The following KATNIP variants were observed in gnomAD, a reference collection of about 807,000 sequenced individuals.
The protein encoded by KATNIP is katanin interacting protein, also known as katanin-interacting protein.
Under a neutral mutation model 174.0 loss-of-function variants are expected in KATNIP, and 126 were observed. The observed-to-expected ratio is 0.72, with a 90% CI of 0.63 to 0.84. The LOEUF is 0.84. Ranked by LOEUF, KATNIP falls within the 40% of genes least tolerant of loss-of-function variation. KATNIP has a pLI of 0.00. For synonymous variants in KATNIP, 810 were observed against 835.7 expected (o/e 0.97, Z 0.53); for missense variants, 1,958 against 2,109.7 (o/e 0.93, Z 1.41).
chr16:27,702,428 C>T (rs2079136556), intron 11 of KATNIP, among the ~76,000 whole-genome samples: 1 of 152,224 alleles, frequency 6.6e-6, no homozygotes, highest in Non-Finnish European at 1.5e-5. Context: ...TAAAGCCTTC[C>T]CTCTAGTCTT....
At position 27,714,330 on chromosome 16, in the gene KATNIP, A is replaced by G. The variant is rs79843923; in HGVS notation, c.1605+5410A>G. 8.4e-3 allele frequency among the ~76,000 whole-genome samples: 1,273 copies of G among 152,270 alleles called. 39 individuals are homozygous for G. In the East Asian group the frequency reaches 0.092, roughly 11 times the overall value. Reference sequence around the variant, plus strand: ...AATTCTTATCTGTCCTGTTTACACTATATCCCCAGTACATAAAAATGTGCC... The same window carrying G: ...AATTCTTATCTGTCCTGTTTACACTGTATCCCCAGTACATAAAAATGTGCC... On this transcript the variant is annotated intron_variant, in intron 13 of 27. Coordinates refer to ENST00000261588, the MANE Select transcript of KATNIP (RefSeq NM_015202.5).
intron 27 of KATNIP, 80 bp downstream of exon 27, chr16:27,778,049 C>T: frequency 8.0e-7 from 1 of 1,247,256 alleles, no homozygotes; most frequent in South Asian, 1.3e-5. Flanking sequence ...GCCTTGCACC[C>T]CCACCCTCAC....
In KATNIP at chr16:27,773,091, T is replaced by C. The variant is rs2082366257; in HGVS notation, c.4199-8T>C. The stretch of plus-strand genomic sequence containing the variant: ...TTAAGCCTTCTTTTCCTTAATAAAG[T>C]GTCCCAGTCATTTTCCAGTTTCAGC... On this transcript the variant is annotated splice_region_variant and splice_polypyrimidine_tract_variant and intron_variant, in intron 22 of 27. Coordinates refer to ENST00000261588, the MANE Select transcript of KATNIP (RefSeq NM_015202.5). 2.6e-6 allele frequency: 4 copies of C among 1,545,776 alleles called. No individual in the cohort carries two copies. The highest frequency in any genetic ancestry group is 3.5e-6 in the Non-Finnish European group (4 of 1,128,738).
At chr16:27,587,921 CT>C (rs111346127) in intron 2 of KATNIP, among the ~76,000 whole-genome samples, 156 of 106,550 alleles carry the variant, frequency 1.5e-3, no homozygotes, top group African/African-American at 1.4e-3. Context: ...CTTTTCTTTT[CT>C]TTTTTTTTTT....
At chr16:27,565,194 G>C (rs531337053) in intron 1 of KATNIP, among the ~76,000 whole-genome samples, 1 of 151,486 alleles carries the variant, frequency 6.6e-6, no homozygotes, top group Non-Finnish European at 1.5e-5. Flanking sequence ...GTCCAGGCGC[G>C]GTGGCTCACA....
intron 1 of KATNIP, among the ~76,000 whole-genome samples, chr16:27,562,705 TAC>T (rs537006564): frequency 5.9e-5 from 9 of 152,198 alleles, no homozygotes; most frequent in Non-Finnish European, 1.0e-4. Flanking sequence ...GTCTGATGGA[TAC>T]AGAGATAGAC....
At chr16:27,710,878 A>G (rs1020267194) in intron 13 of KATNIP, among the ~76,000 whole-genome samples, 1 of 152,164 alleles carries the variant, frequency 6.6e-6, no homozygotes, top group African/African-American at 2.4e-5. Flanking sequence ...TTTAAAGAAG[A>G]GGAAACAAGA....
chr16:27,585,006 C>T (rs1052845136), intron 2 of KATNIP, among the ~76,000 whole-genome samples: 1 of 152,158 alleles, frequency 6.6e-6, no homozygotes, highest in South Asian at 2.1e-4. Context: ...ACTCCCCCTC[C>T]TCCCTGTAGG....
chr16:27,591,468 A>C (rs188916414), intron 2 of KATNIP, among the ~76,000 whole-genome samples: 1 of 152,158 alleles, frequency 6.6e-6, no homozygotes, highest in African/African-American at 2.4e-5. Flanking sequence ...GGTGTGAGCT[A>C]CCACGCCTGG....
chr16:27,721,098 T>G (rs1010136485), intron 13 of KATNIP, among the ~76,000 whole-genome samples: 1 of 152,206 alleles, frequency 6.6e-6, no homozygotes, highest in African/African-American at 2.4e-5. Flanking sequence ...AACCAACGAC[T>G]GAGCTAGTAG....
intron 8 of KATNIP, among the ~76,000 whole-genome samples, chr16:27,682,365 G>A (rs2078377792): frequency 6.6e-6 from 1 of 152,168 alleles, no homozygotes; most frequent in Admixed American, 6.5e-5. Flanking sequence ...AGGAACTGAG[G>A]CACACAACGT....
chr16:27,696,547 G>C (rs183949768), intron 8 of KATNIP, among the ~76,000 whole-genome samples: 1 of 152,010 alleles, frequency 6.6e-6, no homozygotes, highest in Admixed American at 6.6e-5. Context: ...GCTAGTATCC[G>C]TGTGTTCTCA....
intron 2 of KATNIP, among the ~76,000 whole-genome samples, chr16:27,613,541 C>T (rs1027072001): frequency 6.6e-6 from 1 of 151,974 alleles, no homozygotes; most frequent in Non-Finnish European, 1.5e-5. Context: ...AATATATTAA[C>T]GGTCATTTTA....
intron 18 of KATNIP, among the ~76,000 whole-genome samples, chr16:27,759,439 A>T (rs2081869379): frequency 6.6e-6 from 1 of 152,244 alleles, no homozygotes; most frequent in Non-Finnish European, 1.5e-5. Context: ...CTGCCGAACA[A>T]GCCAATCCAA....
In KATNIP at chr16:27,681,194, C is replaced by CAA. The variant is rs372016904; in HGVS notation, c.809-202_809-201dup. ...GTCCTAGAATCTTTTATGTACTTAC[C>CAA]AAAATGTGGTGCTGGGCACACCATG... On this transcript the variant is annotated intron_variant, in intron 7 of 27. Transcript: ENST00000261588. The CAA allele has an allele frequency of 5.9e-4, 360 of 606,868 alleles. 1 individual carries two copies. The East Asian group carries it at 9.3e-3, about 16-fold the overall frequency. The allele number at this position is 606,868 out of a possible 1,614,324, so 37.6% of individuals were successfully genotyped here.
At chr16:27,596,737 A>G (rs2075347520) in intron 2 of KATNIP, among the ~76,000 whole-genome samples, 1 of 152,218 alleles carries the variant, frequency 6.6e-6, no homozygotes, top group African/African-American at 2.4e-5. Context: ...AAAAAATAAA[A>G]ATAGGCCAGG....
At chr16:27,662,049 C>CATATATATATATATATATACACACAT in intron 6 of KATNIP, among the ~76,000 whole-genome samples, 1 of 8,628 alleles carries the variant, frequency 1.2e-4, no homozygotes, top group African/African-American at 7.5e-4. Context: ...TATACACATA[C>CATATATATATATATATATACACACAT]ATATATATAT....
intron 3 of KATNIP, among the ~76,000 whole-genome samples, chr16:27,620,938 G>A (rs2076176520): frequency 6.6e-6 from 1 of 152,222 alleles, no homozygotes; most frequent in South Asian, 2.1e-4. Flanking sequence ...TGTTTTGGCT[G>A]TAAGAGACAG....
At chr16:27,632,034 CAGTG>C in intron 5 of KATNIP, among the ~76,000 whole-genome samples, 1 of 152,296 alleles carries the variant, frequency 6.6e-6, no homozygotes, top group East Asian at 1.9e-4. Context: ...CAGAAAAGTT[CAGTG>C]AGTTTTCCAA....
Sources: gnomAD v4.1 joint callset for allele counts (sites outside exome capture counted in the v4.1 genomes callset) on GRCh38, gnomAD v4.1.1 for gene constraint, MANE v1.5 for transcripts, NCBI Gene and HGNC (gene_info 2026-07-23, HGNC 2026-07-21) for gene names.